Variants in UBAC2 observed in about 807,000 individuals in gnomAD.
The protein encoded by UBAC2 is UBA domain containing 2.
UBAC2 carries 26 observed loss-of-function variants against 44.0 expected under a neutral mutation model. The observed-to-expected ratio is 0.59, with a 90% CI of 0.43 to 0.82. The LOEUF (loss-of-function observed/expected upper bound fraction) is 0.82, where lower values mean the gene tolerates loss of function less well. UBAC2 is among the 40% of genes least tolerant of loss of function. UBAC2 has a pLI of 0.00. For missense variants in UBAC2, 329 were observed against 419.4 expected, an observed-to-expected ratio of 0.78 and a Z score of 1.88; for synonymous variants, 155 against 154.3, an observed-to-expected ratio of 1.00 and a Z score of -0.04.
At chr13:99,326,987 A>G (rs909083087) in intron 6 of UBAC2, among the ~76,000 whole-genome samples, 6 of 152,166 alleles carry the variant, frequency 3.9e-5, no homozygotes, top group African/African-American at 1.2e-4. Flanking sequence ...TGTGCTGACC[A>G]ATAGCCAAGG....
At chr13:99,331,428 A>G (rs779756224) in intron 6 of UBAC2, among the ~76,000 whole-genome samples, 1 of 152,272 alleles carries the variant, frequency 6.6e-6, no homozygotes, top group Non-Finnish European at 1.5e-5. Flanking sequence ...AGTATGTGAG[A>G]AACGAATAAT....
chr13:99,315,995 C>T (rs1248618055), intron 5 of UBAC2, among the ~76,000 whole-genome samples: 2 of 151,704 alleles, frequency 1.3e-5, no homozygotes, highest in Non-Finnish European at 2.9e-5. Flanking sequence ...AACCTAATAT[C>T]TAGTGCCGTT....
chr13:99,370,848 A>C (rs995348112), intron 8 of UBAC2, among the ~76,000 whole-genome samples: 2 of 152,218 alleles, frequency 1.3e-5, no homozygotes, highest in Non-Finnish European at 2.9e-5. Context: ...TTCTACCTCC[A>C]CTAGAGAATT....
Position 99,295,116 on chromosome 13 carries a change from G to T in UBAC2, c.390-18981G>T. 6.2e-7 allele frequency: 1 copy of T among 1,614,000 alleles called. No individual in the cohort carries two copies. Among genetic ancestry groups the T allele is most frequent in the Non-Finnish European group, 8.5e-7 (1 of 1,179,952 alleles). ...ATCATCTGCGTTTCTGTCATTTCAC[G>T]TGAATTTTCTTCAGGGGCTGACTTC... is the stretch of plus-strand genomic sequence containing the variant. On this transcript the variant is annotated intron_variant, in intron 4 of 8. Coordinates refer to ENST00000403766, the MANE Select transcript of UBAC2 (RefSeq NM_001144072.2). This position sits in a 1 kb window ranked among gnomAD's most constrained non-coding sequence, Gnocchi z 4.1.
At chr13:99,257,899 AT>A (rs2043594400) in intron 4 of UBAC2, among the ~76,000 whole-genome samples, 1 of 152,198 alleles carries the variant, frequency 6.6e-6, no homozygotes, top group Non-Finnish European at 1.5e-5. Context: ...TATATAGCCT[AT>A]TTCAAGGTCT....
At chr13:99,226,386 A>T (rs1363096683) in intron 1 of UBAC2, among the ~76,000 whole-genome samples, 1 of 151,574 alleles carries the variant, frequency 6.6e-6, no homozygotes. Context: ...CCTTCACAAC[A>T]TATCCCAGTT....
intron 4 of UBAC2, among the ~76,000 whole-genome samples, chr13:99,306,809 C>T (rs765056521): frequency 2.0e-5 from 3 of 152,012 alleles, no homozygotes; most frequent in African/African-American, 7.2e-5. Context: ...TCTTTGCTGG[C>T]GGGAGGGTAA....
chr13:99,303,291 A>G (rs1248282920), intron 4 of UBAC2, among the ~76,000 whole-genome samples: 2 of 152,218 alleles, frequency 1.3e-5, no homozygotes, highest in African/African-American at 2.4e-5. Context: ...AACCCAGTGG[A>G]TGTGCAGCAA....
At chr13:99,345,741 C>CTTTT (rs766632532) in intron 7 of UBAC2, among the ~76,000 whole-genome samples, 36 of 130,920 alleles carry the variant, frequency 2.7e-4, no homozygotes, top group South Asian at 7.2e-4. Flanking sequence ...TTTTTTCTTT[C>CTTTT]TTTTTTTTTT....
chr13:99,283,023 T>C (rs76179601), intron 4 of UBAC2, among the ~76,000 whole-genome samples: 2,255 of 152,316 alleles, frequency 0.015, 60 homozygotes, highest in African/African-American at 0.052. Context: ...GTTGAAGTAA[T>C]AGAATGAATT....
At position 99,295,547 on chromosome 13, in the gene UBAC2, G is replaced by A; in HGVS notation, c.390-18550G>A. On this transcript the variant is annotated intron_variant, in intron 4 of 8. Transcript: ENST00000403766. This position sits in a 1 kb window ranked among gnomAD's most constrained non-coding sequence, Gnocchi z 4.1. ...TGGAAGTACATATCCTATGAAACAT[G>A]CCCCAAGCAGAATCCAGGGAAGAGA... 6.2e-7 allele frequency: 1 copy of A among 1,613,856 alleles called. No homozygotes were observed. Among genetic ancestry groups the A allele is most frequent in the Non-Finnish European group, 8.5e-7 (1 of 1,180,002 alleles).
At position 99,243,763 on chromosome 13, in the gene UBAC2, A is replaced by G. The variant is rs976693404; in HGVS notation, c.160-69A>G. 3 of 1,446,864 alleles carry G rather than the reference A, an allele frequency of 2.1e-6. No individual in the cohort carries two copies. In the African/African-American group the frequency reaches 4.3e-5, roughly 21 times the overall value. The allele number at this position is 1,446,864 out of a possible 1,614,324, so 89.6% of individuals were successfully genotyped here. ...AAAAATAGGCAGTGTAAACATAACA[A>G]ATTTGCTAAGGAAGAGACCCGAACA... On this transcript the variant is annotated intron_variant, in intron 2 of 8. Transcript: ENST00000403766.
chr13:99,224,072 A>G (rs2043083704), intron 1 of UBAC2, among the ~76,000 whole-genome samples: 3 of 152,216 alleles, frequency 2.0e-5, no homozygotes, highest in Admixed American at 2.0e-4. Flanking sequence ...CCATAACAAA[A>G]TACCACAGAC....
At chr13:99,215,519 CT>C in intron 1 of UBAC2, 1 of 1,468,482 alleles carries the variant, frequency 6.8e-7, no homozygotes, top group Non-Finnish European at 9.5e-7. Flanking sequence ...GTAATATACA[CT>C]TTACCTTTAA....
chr13:99,220,333 C>CACT (rs945355950), intron 1 of UBAC2, among the ~76,000 whole-genome samples: 1 of 152,114 alleles, frequency 6.6e-6, no homozygotes, highest in Non-Finnish European at 1.5e-5. Context: ...ATAATTAATT[C>CACT]GTGCTTCAGG....
At chr13:99,235,856 T>C (rs1023326811) in intron 1 of UBAC2, among the ~76,000 whole-genome samples, 60 of 152,052 alleles carry the variant, frequency 3.9e-4, no homozygotes, top group African/African-American at 1.4e-3. Context: ...TAGTCCCAGC[T>C]ACTAGGGAGG....
chr13:99,357,969 C>A (rs2045211991), intron 7 of UBAC2, among the ~76,000 whole-genome samples: 2 of 152,156 alleles, frequency 1.3e-5, no homozygotes, highest in African/African-American at 4.8e-5. Flanking sequence ...ACAAACAGGA[C>A]AAGATGGAGA....
chr13:99,312,969 T>G (rs1279811016), intron 4 of UBAC2: 1 of 152,604 alleles, frequency 6.6e-6, no homozygotes, highest in African/African-American at 2.4e-5. Context: ...TTTTTTATTT[T>G]TTTTTGTTTT....
chr13:99,307,113 A>C (rs1277000484), intron 4 of UBAC2, among the ~76,000 whole-genome samples: 1 of 152,128 alleles, frequency 6.6e-6, no homozygotes, highest in Admixed American at 6.6e-5. Context: ...TTTTTGACAA[A>C]GATATTTCTG....
Sources: gnomAD v4.1 joint callset for allele counts (sites outside exome capture counted in the v4.1 genomes callset) on GRCh38, gnomAD v4.1.1 for gene constraint, Gnocchi (gnomAD v3.1) non-coding constraint, MANE v1.5 for transcripts, NCBI Gene and HGNC (gene_info 2026-07-23, HGNC 2026-07-21) for gene names.